LONRF2: variants seen among roughly 807,000 people sequenced by gnomAD.
LONRF2 encodes LON peptidase N-terminal domain and ring finger 2.
A neutral mutation model predicts 66.6 loss-of-function variants in LONRF2; 35 were observed. That is an observed-to-expected ratio of 0.53 (90% CI 0.40 to 0.70). LONRF2 has a LOEUF of 0.70. Among genes scored for constraint, LONRF2 ranks in the 30% least tolerant of loss-of-function variants. The pLI is 0.00. For synonymous variants in LONRF2, 417 were observed against 418.1 expected (o/e 1.00, Z 0.03); for missense variants, 902 against 1,002.1 (o/e 0.90, Z 1.35).
chr2:100,320,735 C>T (rs917430101), intron 1 of LONRF2, among the ~76,000 whole-genome samples: 6 of 152,186 alleles, frequency 3.9e-5, no homozygotes, highest in Admixed American at 3.3e-4. Context: ...GAAGTTTGGT[C>T]TTCCTTTCAG....
intron 2 of LONRF2, among the ~76,000 whole-genome samples, chr2:100,308,681 C>T (rs926601892): frequency 1.3e-5 from 2 of 152,128 alleles, no homozygotes; most frequent in Non-Finnish European, 2.9e-5. Flanking sequence ...AAAATGTACA[C>T]AAAATGTTAA....
At chr2:100,290,474 CT>C in intron 9 of LONRF2, 54 bp from the exon 10 acceptor site, 4 of 1,535,724 alleles carry the variant, frequency 2.6e-6, no homozygotes, top group Non-Finnish European at 2.6e-6. Context: ...AGGGGGCCTT[CT>C]TTTTCCCTGG....
At chr2:100,310,745 C>T (rs1049265083) in intron 1 of LONRF2, among the ~76,000 whole-genome samples, 14 of 152,070 alleles carry the variant, frequency 9.2e-5, no homozygotes, top group African/African-American at 2.9e-4. Context: ...CTGTAACAGG[C>T]CAGATAGTAA....
At chr2:100,297,451 C>G (rs950420795) in intron 7 of LONRF2, among the ~76,000 whole-genome samples, 4 of 152,180 alleles carry the variant, frequency 2.6e-5, no homozygotes, top group African/African-American at 9.7e-5. Flanking sequence ...AGCTTCTATT[C>G]TAGTGACGAC....
chr2:100,296,032 G>C (rs1675059645), intron 7 of LONRF2, among the ~76,000 whole-genome samples: 1 of 152,102 alleles, frequency 6.6e-6, no homozygotes, highest in African/African-American at 2.4e-5. Flanking sequence ...GTATTACTTA[G>C]GATGCATGCA....
chr2:100,284,788 A>G (rs930665002), intron 11 of LONRF2, among the ~76,000 whole-genome samples: 2 of 152,254 alleles, frequency 1.3e-5, no homozygotes, highest in African/African-American at 4.8e-5. Flanking sequence ...AGTATATACC[A>G]GTCAGAGGAG....
Position 100,278,541 on chromosome 2 carries a change from A to G in LONRF2, c.*5757T>C, listed in dbSNP as rs927087743. ...CATTCTGGGGTCTATTGATCTTGTCACCACTGATGTGGGGGCTTTCGCTGG... is the reference window on the plus strand; with the variant it reads ...CATTCTGGGGTCTATTGATCTTGTCGCCACTGATGTGGGGGCTTTCGCTGG... On this transcript the variant is annotated 3_prime_UTR_variant, in exon 12 of 12. Coordinates refer to ENST00000393437, the MANE Select transcript of LONRF2 (RefSeq NM_198461.4). 2.6e-5 allele frequency: 4 copies of G among 152,182 alleles called. No homozygotes were observed. Among genetic ancestry groups the G allele is most frequent in the African/African-American group, 9.7e-5 (4 of 41,440 alleles). 9.4% of individuals were successfully genotyped at this position (152,182 alleles called of 1,614,324 possible). A position where few individuals can be genotyped will look rare whatever the true frequency, so the allele number is the denominator to read the frequency against.
intron 9 of LONRF2, among the ~76,000 whole-genome samples, chr2:100,292,300 C>A (rs1373507261): frequency 6.6e-6 from 1 of 152,244 alleles, no homozygotes; most frequent in African/African-American, 2.4e-5. Flanking sequence ...AGCCTCTTAT[C>A]TGTGGACAGG....
rs115950484 is a variant in LONRF2, at chr2:100,299,640, A to T, written c.1267+77T>A. 7.4e-4 allele frequency: 865 copies of T among 1,169,520 alleles called. 2 individuals are homozygous for T. The African/African-American group carries it at 0.011, about 15-fold the overall frequency. The allele number at this position is 1,169,520 out of a possible 1,614,324, so 72.4% of individuals were successfully genotyped here. On this transcript the variant is annotated intron_variant, in intron 5 of 11. Coordinates refer to ENST00000393437, the MANE Select transcript of LONRF2 (RefSeq NM_198461.4). The stretch of plus-strand genomic sequence containing the variant: ...CTAATATTAAATGTTGTAAAAATTT[A>T]AAAAATATATTGAATACTAGTTAAC...
chr2:100,299,389 T>C (rs1573117051), intron 5 of LONRF2, 70 bp from the exon 6 acceptor site: 4 of 931,158 alleles, frequency 4.3e-6, no homozygotes, highest in Non-Finnish European at 6.4e-6. Flanking sequence ...GCAAGAAATG[T>C]ATTTTCTCTG....
chr2:100,316,865 G>A (rs976485959), intron 1 of LONRF2, among the ~76,000 whole-genome samples: 1 of 151,910 alleles, frequency 6.6e-6, no homozygotes, highest in East Asian at 1.9e-4. Flanking sequence ...CTTGTTGTTA[G>A]GTGCATAAAA....
At chr2:100,319,740 T>C (rs185808555) in intron 1 of LONRF2, among the ~76,000 whole-genome samples, 13 of 152,342 alleles carry the variant, frequency 8.5e-5, no homozygotes, top group Admixed American at 2.6e-4. Flanking sequence ...ATTCACCCCT[T>C]CTGCTCTTAC....
At chr2:100,295,605 C>T (rs375412309) in intron 7 of LONRF2, 52 bp from the exon 8 acceptor site, 113 of 1,565,494 alleles carry the variant, frequency 7.2e-5, no homozygotes, top group Non-Finnish European at 9.4e-5. Context: ...TTCTAAAGGA[C>T]GAAGCTTCCG....
chr2:100,286,361 C>T (rs1674845396), intron 11 of LONRF2, among the ~76,000 whole-genome samples: 1 of 152,124 alleles, frequency 6.6e-6, no homozygotes, highest in Non-Finnish European at 1.5e-5. Flanking sequence ...CCCACCTGAG[C>T]TTAGAAATGC....
At position 100,300,662 on chromosome 2, in the gene LONRF2, A is replaced by G. The variant is rs747904888; in HGVS notation, c.1047T>C (p.Gly349=). 6 of 1,611,834 alleles carry G rather than the reference A, an allele frequency of 3.7e-6. No homozygotes were observed. Among genetic ancestry groups the G allele is most frequent in the Non-Finnish European group, 4.2e-6 (5 of 1,179,448 alleles). ...GTCATACCTCCGAGCTCCCTGCATCACCTTCTTCCAGCAGAGCCTGGGCAT... is the reference window on the plus strand; with the variant it reads ...GTCATACCTCCGAGCTCCCTGCATCGCCTTCTTCCAGCAGAGCCTGGGCAT... ...HMNAQALLEE[G]DAGSSENSSE... is the part of the protein sequence containing the mutation. Residue 349 remains glycine (G), a synonymous_variant, in exon 4 of 12, where the codon GGT becomes GGC. Coordinates refer to ENST00000393437, the MANE Select transcript of LONRF2 (RefSeq NM_198461.4).
intron 8 of LONRF2, among the ~76,000 whole-genome samples, chr2:100,294,899 G>A (rs941242583): frequency 6.6e-6 from 1 of 151,680 alleles, no homozygotes; most frequent in Admixed American, 6.6e-5. Context: ...AATTTTTTGA[G>A]GTAAAATATA....
intron 11 of LONRF2, among the ~76,000 whole-genome samples, chr2:100,285,311 C>A (rs139000507): frequency 6.6e-6 from 1 of 152,274 alleles, no homozygotes; most frequent in East Asian, 1.9e-4. Context: ...TAGCCCAAGT[C>A]ACTGTGAGGA....
Position 100,272,207 on chromosome 2 carries a change from AGAGTATGCAGG to A in LONRF2, c.*12080_*12090del, listed in dbSNP as rs1424870843. ...GTCCTAAGAAGAAAAAGATGATCAA[AGAGTATGCAGG>A]GTTAGGTGCAGTGGCTTATGCCTGC... On this transcript the variant is annotated 3_prime_UTR_variant, in exon 12 of 12. Coordinates refer to ENST00000393437, the MANE Select transcript of LONRF2 (RefSeq NM_198461.4). Among the ~76,000 whole-genome samples, 6 of 152,256 alleles carry A rather than the reference AGAGTATGCAGG, an allele frequency of 3.9e-5. No individual in the cohort carries two copies. The highest frequency in any genetic ancestry group is 1.4e-4 in the African/African-American group (6 of 41,470).
At chr2:100,309,808 G>T (rs908472369) in intron 1 of LONRF2, among the ~76,000 whole-genome samples, 18 of 152,218 alleles carry the variant, frequency 1.2e-4, no homozygotes, top group Middle Eastern at 6.8e-3. Flanking sequence ...CAGTAGCTGG[G>T]ATTACAGGTA....
Sources: allele counts gnomAD v4.1 joint callset (sites outside exome capture counted in the v4.1 genomes callset), GRCh38; gene constraint gnomAD v4.1.1; transcripts MANE v1.5; gene names NCBI Gene and HGNC (gene_info 2026-07-23, HGNC 2026-07-21).